ACVR2B: variants seen among roughly 807,000 people sequenced by gnomAD.
ACVR2B encodes activin A receptor type 2B.
ACVR2B carries 18 observed loss-of-function variants against 65.1 expected under a neutral mutation model. The ratio of observed to expected loss-of-function variants is 0.28; its 90% CI spans 0.19 to 0.41. The LOEUF (loss-of-function observed/expected upper bound fraction) is 0.41. Among genes scored for constraint, ACVR2B ranks in the 10% least tolerant of loss-of-function variants. ACVR2B has a pLI of 1.00. For synonymous variants in ACVR2B, 298 were observed against 277.7 expected (o/e 1.07, Z -0.73); for missense variants, 482 against 682.7 (o/e 0.71, Z 3.28).
At position 38,489,559 on chromosome 3, in the gene ACVR2B, T is replaced by C. The variant is rs971199905; in HGVS notation, c.*6227T>C. 1.3e-5 allele frequency: 2 copies of C among 152,602 alleles called. No individual in the cohort carries two copies. The highest frequency in any genetic ancestry group is 4.8e-5 in the African/African-American group (2 of 41,424). 9.5% of individuals were successfully genotyped at this position (152,602 alleles called of 1,614,324 possible). On this transcript the variant is annotated 3_prime_UTR_variant, in exon 11 of 11. Transcript: ENST00000352511. ...GATATTCAGCTCAGCTTCTTGTGGA[T>C]TGGGAGGAGAGAGGGCCTGCAATGT... is the stretch of plus-strand genomic sequence containing the variant.
intron 1 of ACVR2B, among the ~76,000 whole-genome samples, chr3:38,472,465 G>C (rs1709834269): frequency 1.3e-5 from 2 of 152,098 alleles, no homozygotes; most frequent in Non-Finnish European, 2.9e-5. Flanking sequence ...TGGGCATGGA[G>C]GCTTCTGGCA....
At chr3:38,457,906 C>T (rs1468974396) in intron 1 of ACVR2B, among the ~76,000 whole-genome samples, 1 of 152,112 alleles carries the variant, frequency 6.6e-6, no homozygotes, top group Admixed American at 6.6e-5. Flanking sequence ...AGCCATGGGC[C>T]GTGGGTGCCC....
In ACVR2B at chr3:38,479,919, C is replaced by T. The variant is rs541160267; in HGVS notation, c.959+93C>T. On this transcript the variant is annotated intron_variant, in intron 7 of 10. Transcript: ENST00000352511. ...GCAGTGTCTGGAGATGTCTCAACTT[C>T]CTAAACATACTTACCCTGCTTGCTG... The T allele has an allele frequency of 3.4e-6, 5 of 1,479,894 alleles. No individual in the cohort carries two copies. The Middle Eastern group carries it at 5.7e-4, about 167-fold the overall frequency. The allele number at this position is 1,479,894 out of a possible 1,614,324, so 91.7% of individuals were successfully genotyped here. A position where few individuals can be genotyped will look rare whatever the true frequency, so the allele number is the denominator to read the frequency against.
intron 1 of ACVR2B, among the ~76,000 whole-genome samples, chr3:38,461,780 T>A (rs1709651658): frequency 6.6e-6 from 1 of 152,170 alleles, no homozygotes; most frequent in Non-Finnish European, 1.5e-5. Context: ...AATACTAGGG[T>A]CTCCTTTTAT....
rs755884935 is a variant in ACVR2B, at chr3:38,482,212, G to T, written c.1089G>T (p.Arg363=). 6.2e-7 allele frequency: 1 copy of T among 1,613,740 alleles called. No individual in the cohort carries two copies. Among genetic ancestry groups the T allele is most frequent in the Admixed American group, 1.7e-5 (1 of 59,968 alleles). Residue 363 remains arginine, a synonymous_variant, in exon 9 of 11, where the codon CGG becomes CGT. Coordinates refer to ENST00000352511, the MANE Select transcript of ACVR2B (RefSeq NM_001106.4). ...TCCTCACATAGGTAGGCACGAGACG[G>T]TACATGGCTCCTGAGGTGCTCGAGG... is the stretch of plus-strand genomic sequence containing the variant. ...GDTHGQVGTR[R]YMAPEVLEGA...
chr3:38,464,394 A>T lies in ACVR2B; in HGVS notation c.52+10020A>T, dbSNP rs906148143. 1.8e-4 allele frequency among the ~76,000 whole-genome samples: 28 copies of T among 152,360 alleles called. No homozygotes were observed. In the East Asian group the frequency reaches 5.2e-3, roughly 28 times the overall value. The stretch of plus-strand genomic sequence containing the variant: ...GAAAATATGTCTAAAAGCTGGGTGA[A>T]AAGTAGATATGGAGATGTACTTTTC... On this transcript the variant is annotated intron_variant, in intron 1 of 10. Coordinates refer to ENST00000352511, the MANE Select transcript of ACVR2B (RefSeq NM_001106.4).
At chr3:38,464,288 T>C (rs1428935170) in intron 1 of ACVR2B, among the ~76,000 whole-genome samples, 1 of 152,258 alleles carries the variant, frequency 6.6e-6, no homozygotes, top group Non-Finnish European at 1.5e-5. Context: ...ATACTGCCCA[T>C]GGACAATCTT....
chr3:38,467,918 C>T (rs1709759492), intron 1 of ACVR2B, among the ~76,000 whole-genome samples: 1 of 152,118 alleles, frequency 6.6e-6, no homozygotes, highest in Non-Finnish European at 1.5e-5. Context: ...TGCTCTGTCA[C>T]CCAGGGTGGA....
At chr3:38,479,374 AAGTAC>A in intron 6 of ACVR2B, 103 bp downstream of exon 6, 1 of 1,547,770 alleles carries the variant, frequency 6.5e-7, no homozygotes, top group Non-Finnish European at 8.9e-7. Context: ...GTCCACCATG[AAGTAC>A]TCTGCCCCGG....
intron 3 of ACVR2B, 56 bp downstream of exon 3, chr3:38,478,026 C>G: frequency 6.2e-7 from 1 of 1,601,706 alleles, no homozygotes; most frequent in South Asian, 1.1e-5. Context: ...GCTTCTTTGG[C>G]TTGGAGCGCT....
chr3:38,466,611 G>A (rs906388204), intron 1 of ACVR2B, among the ~76,000 whole-genome samples: 12 of 150,580 alleles, frequency 8.0e-5, no homozygotes, highest in African/African-American at 1.9e-4. Flanking sequence ...TCAAGTGATT[G>A]TCCTGCCTCA....
rs2059822076 is a variant in ACVR2B, at chr3:38,492,791, CACACACACACACATACA to C, written c.*9460_*9476del. The C allele has an allele frequency of 1.5e-4, 8 of 53,360 alleles. No homozygotes were observed. Among genetic ancestry groups the C allele is most frequent in the East Asian group, 6.2e-4 (1 of 1,602 alleles). The allele number at this position is 53,360 out of a possible 1,614,324, so 3.3% of individuals were successfully genotyped here. On this transcript the variant is annotated 3_prime_UTR_variant, in exon 11 of 11. Transcript: ENST00000352511. ...ACACACACACACACACACACACACACACACACACACACATACACCTAAAATGGCCTAAAGCAGACATC... is the reference window on the plus strand; with the variant it reads ...ACACACACACACACACACACACACACCCTAAAATGGCCTAAAGCAGACATC...
intron 5 of ACVR2B, among the ~76,000 whole-genome samples, chr3:38,478,741 A>C (rs1008318307): frequency 5.3e-5 from 8 of 152,042 alleles, no homozygotes; most frequent in African/African-American, 1.9e-4. Flanking sequence ...CAAAACCTTG[A>C]TTTGCCCCGG....
chr3:38,482,416 TC>T lies in ACVR2B; in HGVS notation c.1214-13del, dbSNP rs1710033731. The T allele has an allele frequency of 6.2e-7, 1 of 1,611,770 alleles. No individual in the cohort carries two copies. Among genetic ancestry groups the T allele is most frequent in the African/African-American group, 1.3e-5 (1 of 74,102 alleles). ...ACCTTAGAGTGATCCTGCCAGGCTC[TC>T]TCTTTCTCCTAGGACCCGTGGATGA... On this transcript the variant is annotated splice_polypyrimidine_tract_variant and intron_variant, in intron 9 of 10. Transcript: ENST00000352511.
rs1282302224 is a variant in ACVR2B at position 38,488,192 on chromosome 3, A to G, written c.*4860A>G. ...ATGATGAGTTTAAATCTCAATTGAC[A>G]GTAATGTTTTAGATAAACAGGCCCA... On this transcript the variant is annotated 3_prime_UTR_variant, in exon 11 of 11. Coordinates refer to ENST00000352511, the MANE Select transcript of ACVR2B (RefSeq NM_001106.4). 6.6e-6 allele frequency: 1 copy of G among 152,254 alleles called. No homozygotes were observed. The highest frequency in any genetic ancestry group is 6.5e-5 in the Admixed American group (1 of 15,284). 9.4% of individuals were successfully genotyped at this position (152,254 alleles called of 1,614,324 possible).
At chr3:38,467,842 A>G (rs540164285) in intron 1 of ACVR2B, among the ~76,000 whole-genome samples, 26 of 152,190 alleles carry the variant, frequency 1.7e-4, no homozygotes, top group South Asian at 4.1e-4. Context: ...CAAATGAGAT[A>G]AATATAGCTA....
At chr3:38,478,056 G>GGT in intron 3 of ACVR2B, 85 bp from the exon 4 acceptor site, 15 of 1,595,456 alleles carry the variant, frequency 9.4e-6, no homozygotes, top group Non-Finnish European at 1.2e-5. Flanking sequence ...AGTTGGGTGG[G>GGT]GTGTGGCTAC....
At chr3:38,475,519 C>G (rs1709892151) in intron 1 of ACVR2B, 1 of 152,334 alleles carries the variant, frequency 6.6e-6, no homozygotes, top group Admixed American at 6.5e-5. Flanking sequence ...GTTGCTTGCT[C>G]CTGCCCCTGG....
At chr3:38,470,695 GTTAAA>G (rs1263410673) in intron 1 of ACVR2B, among the ~76,000 whole-genome samples, 10 of 152,158 alleles carry the variant, frequency 6.6e-5, no homozygotes, top group Admixed American at 3.9e-4. Context: ...CAAGCAATAT[GTTAAA>G]TTAGATGTAC....
Sources: allele counts gnomAD v4.1 joint callset (sites outside exome capture counted in the v4.1 genomes callset), GRCh38; gene constraint gnomAD v4.1.1; transcripts MANE v1.5; gene names NCBI Gene and HGNC (gene_info 2026-07-23, HGNC 2026-07-21).